LRRC7: variants seen among roughly 807,000 people sequenced by gnomAD.
The protein encoded by LRRC7 is leucine rich repeat containing 7.
LRRC7 carries 23 observed loss-of-function variants against 175.7 expected under a neutral mutation model. The ratio of observed to expected loss-of-function variants is 0.13; its 90% CI spans 0.09 to 0.19. LRRC7 has a LOEUF of 0.19. LRRC7 is among the 10% of genes least tolerant of loss of function. The pLI, the probability that LRRC7 is intolerant of heterozygous loss-of-function variation, is 1.00. For missense variants in LRRC7, 1,354 were observed against 1,904.7 expected, an observed-to-expected ratio of 0.71 and a Z score of 5.38; for synonymous variants, 685 against 680.9, an observed-to-expected ratio of 1.01 and a Z score of -0.09.
At chr1:69,655,414 GTA>G (rs1656465117) in intron 1 of LRRC7, among the ~76,000 whole-genome samples, 1 of 151,860 alleles carries the variant, frequency 6.6e-6, no homozygotes, top group Non-Finnish European at 1.5e-5. Context: ...TGTGCATGTT[GTA>G]TTCGCCACCA....
intron 1 of LRRC7, among the ~76,000 whole-genome samples, chr1:69,664,602 CTTCTT>C (rs1266109595): frequency 3.9e-5 from 6 of 152,054 alleles, no homozygotes; most frequent in Non-Finnish European, 7.4e-5. Context: ...TTTTGTATCT[CTTCTT>C]TTGAGAAATG....
At position 70,016,550 on chromosome 1, in the gene LRRC7, G is replaced by T; in HGVS notation, c.1320+16G>T. 8 of 1,530,410 alleles carry T rather than the reference G, an allele frequency of 5.2e-6. No homozygotes were observed. The highest frequency in any genetic ancestry group is 6.2e-6 in the Non-Finnish European group (7 of 1,136,272). 94.8% of individuals were successfully genotyped at this position (1,530,410 alleles called of 1,614,324 possible). A position where few individuals can be genotyped will look rare whatever the true frequency, so the allele number is the denominator to read the frequency against. On this transcript the variant is annotated intron_variant, in intron 14 of 26. Coordinates refer to ENST00000651989, the MANE Select transcript of LRRC7 (RefSeq NM_001370785.2). ...TGACAATCAGGTAAAAGGTTTTATTGCCTGATTTATTTATTAAGATGAACT... is the reference window on the plus strand; with the variant it reads ...TGACAATCAGGTAAAAGGTTTTATTTCCTGATTTATTTATTAAGATGAACT...
chr1:69,667,026 A>AT (rs1165963796), intron 1 of LRRC7, among the ~76,000 whole-genome samples: 1 of 151,904 alleles, frequency 6.6e-6, no homozygotes, highest in Non-Finnish European at 1.5e-5. Context: ...GTTTGAAGAC[A>AT]TTTTTTCATT....
intron 2 of LRRC7, among the ~76,000 whole-genome samples, chr1:69,720,522 A>C (rs1276831059): frequency 6.6e-6 from 1 of 151,586 alleles, no homozygotes; most frequent in African/African-American, 2.4e-5. Flanking sequence ...TTCCATTGTC[A>C]TTCATTTCTT....
intron 2 of LRRC7, among the ~76,000 whole-genome samples, chr1:69,732,279 A>T (rs1667661852): frequency 6.6e-6 from 1 of 152,052 alleles, no homozygotes; most frequent in Non-Finnish European, 1.5e-5. Context: ...GATTTTTTAA[A>T]GGTTGTTTAG....
At position 69,670,054 on chromosome 1, in the gene LRRC7, C is replaced by A. The variant is rs528411365; in HGVS notation, c.3-8327C>A. 9.9e-5 allele frequency among the ~76,000 whole-genome samples: 15 copies of A among 152,244 alleles called. No individual in the cohort carries two copies. In the South Asian group the frequency reaches 3.1e-3, roughly 32 times the overall value. On this transcript the variant is annotated intron_variant, in intron 1 of 26. Transcript: ENST00000651989. The stretch of plus-strand genomic sequence containing the variant: ...AATTATCTGTCTAAAGGTCACATAT[C>A]TCTGTGTCTCCAAAGTTGGTCTCTA...
chr1:70,102,994 C>T (rs1664901329), intron 25 of LRRC7, among the ~76,000 whole-genome samples: 1 of 151,928 alleles, frequency 6.6e-6, no homozygotes, highest in Non-Finnish European at 1.5e-5. Context: ...TTTGGGAGGC[C>T]GAGGTGGGCA....
At chr1:69,727,429 A>C (rs904142014) in intron 2 of LRRC7, among the ~76,000 whole-genome samples, 1 of 152,130 alleles carries the variant, frequency 6.6e-6, no homozygotes, top group Non-Finnish European at 1.5e-5. Flanking sequence ...TCCTTTACTG[A>C]CAGATTTTCT....
At chr1:69,778,034 CCTT>C (rs79301337) in intron 3 of LRRC7, among the ~76,000 whole-genome samples, 3,086 of 152,326 alleles carry the variant, frequency 0.02, 43 homozygotes, top group Non-Finnish European at 0.029. Flanking sequence ...GCAATCTCTT[CCTT>C]CTTCTGCTCT....
chr1:69,803,385 A>G (rs116640038), intron 4 of LRRC7, among the ~76,000 whole-genome samples: 3,760 of 151,516 alleles, frequency 0.025, 57 homozygotes, highest in Middle Eastern at 0.044. Context: ...ATTCATGAAC[A>G]TGGTATTTCC....
In LRRC7 at chr1:69,597,129, A is replaced by G. The variant is rs60213737; in HGVS notation, c.2+28488A>G. Among the ~76,000 whole-genome samples the G allele has an allele frequency of 6.5e-3, 996 of 152,352 alleles. 5 individuals carry two copies. Among genetic ancestry groups the G allele is most frequent in the African/African-American group, 0.023 (943 of 41,574 alleles). On this transcript the variant is annotated intron_variant, in intron 1 of 26. Coordinates refer to ENST00000651989, the MANE Select transcript of LRRC7 (RefSeq NM_001370785.2). ...ATCAAATGAATGCTCAAATAAAAAT[A>G]AGTCTATATGTGACGGTAAGTGTCT...
At chr1:69,669,568 G>C (rs1354841987) in intron 1 of LRRC7, among the ~76,000 whole-genome samples, 1 of 152,066 alleles carries the variant, frequency 6.6e-6, no homozygotes, top group Non-Finnish European at 1.5e-5. Flanking sequence ...GATTGAATCT[G>C]CTTTATGTTT....
At chr1:70,088,997 C>T (rs1025089217) in intron 24 of LRRC7, among the ~76,000 whole-genome samples, 6 of 152,020 alleles carry the variant, frequency 3.9e-5, no homozygotes, top group African/African-American at 1.2e-4. Flanking sequence ...AATGTTTGCC[C>T]TTGTGTTGCG....
Position 70,011,896 on chromosome 1 carries a change from T to G in LRRC7, c.1104T>G (p.Asp368Glu). The G allele has an allele frequency of 6.2e-7, 1 of 1,606,534 alleles. No individual in the cohort carries two copies. The highest frequency in any genetic ancestry group is 8.5e-7 in the Non-Finnish European group (1 of 1,173,774). The change falls in exon 12 of 27, where the codon GAT becomes GAG. Residue 368 changes from aspartate to glutamate, a missense_variant. Coordinates refer to ENST00000651989, the MANE Select transcript of LRRC7 (RefSeq NM_001370785.2). ...YLHSLRTLAV[D>E]ENFLPELPRE... is the part of the protein sequence containing the mutation. ...ATAGTCTTCGGACATTAGCAGTTGA[T>G]GAGAATTTCCTTCCAGAATTACCCA...
At chr1:69,873,598 G>A in intron 7 of LRRC7, 1 of 479,118 alleles carries the variant, frequency 2.1e-6, no homozygotes, top group Non-Finnish European at 4.4e-6. Flanking sequence ...AGCACGAATA[G>A]ACTTTGTAGA....
At chr1:70,118,882 A>G (rs1666034378) in intron 26 of LRRC7, among the ~76,000 whole-genome samples, 4 of 151,994 alleles carry the variant, frequency 2.6e-5, no homozygotes, top group Admixed American at 2.6e-4. Context: ...CTCTAAAAAG[A>G]TCTGTCTAAA....
At chr1:69,652,400 A>T (rs1437530866) in intron 1 of LRRC7, among the ~76,000 whole-genome samples, 1 of 152,202 alleles carries the variant, frequency 6.6e-6, no homozygotes, top group Non-Finnish European at 1.5e-5. Context: ...AGTAACACCA[A>T]CAAAAATAAT....
chr1:69,636,908 T>G (rs1653454434), intron 1 of LRRC7, among the ~76,000 whole-genome samples: 1 of 152,000 alleles, frequency 6.6e-6, no homozygotes, highest in Non-Finnish European at 1.5e-5. Flanking sequence ...TGACTGGATT[T>G]AATTTGCTAA....
At chr1:69,944,995 A>G (rs1337495549) in intron 8 of LRRC7, among the ~76,000 whole-genome samples, 1 of 152,076 alleles carries the variant, frequency 6.6e-6, no homozygotes, top group Non-Finnish European at 1.5e-5. Flanking sequence ...TTTGACTTGC[A>G]GAAGATTTAG....
Sources: allele counts gnomAD v4.1 joint callset (sites outside exome capture counted in the v4.1 genomes callset), GRCh38; gene constraint gnomAD v4.1.1; transcripts MANE v1.5; gene names NCBI Gene and HGNC (gene_info 2026-07-23, HGNC 2026-07-21).